The following FBXO43 variants were observed in gnomAD, a reference collection of about 807,000 sequenced individuals.
The protein encoded by FBXO43 is F-box protein 43.
A neutral mutation model predicts 56.7 loss-of-function variants in FBXO43; 22 were observed. That is an observed-to-expected ratio of 0.39 (90% CI 0.28 to 0.55). The LOEUF (loss-of-function observed/expected upper bound fraction) is 0.55. Among genes scored for constraint, FBXO43 ranks in the 20% least tolerant of loss-of-function variants. FBXO43 has a pLI of 0.66. For synonymous variants in FBXO43, 306 were observed against 294.5 expected (o/e 1.04, Z -0.40); for missense variants, 733 against 814.9 (o/e 0.90, Z 1.22).
At chr8:100,140,581 CAG>C in intron 2 of FBXO43, 100 bp downstream of exon 2, 1 of 888,424 alleles carries the variant, frequency 1.1e-6, no homozygotes, top group Admixed American at 2.9e-5. Flanking sequence ...CAACAAAAGA[CAG>C]AGATAATAAA....
At position 100,133,776 on chromosome 8, in the gene FBXO43, A is replaced by C; in HGVS notation, c.*26T>G. 1 of 1,600,620 alleles carries C rather than the reference A, an allele frequency of 6.2e-7. No individual in the cohort carries two copies. The highest frequency in any genetic ancestry group is 8.5e-7 in the Non-Finnish European group (1 of 1,173,936). On this transcript the variant is annotated 3_prime_UTR_variant, in exon 5 of 5. Coordinates refer to ENST00000428847, the MANE Select transcript of FBXO43 (RefSeq NM_001029860.4). The stretch of plus-strand genomic sequence containing the variant: ...TTAAGTCAGATAAATAGAACACTGC[A>C]TGGGGGAGTTCTATATTTAGTCTCT...
intron 3 of FBXO43, among the ~76,000 whole-genome samples, chr8:100,136,302 A>G (rs909478722): frequency 6.6e-6 from 1 of 152,232 alleles, no homozygotes; most frequent in Non-Finnish European, 1.5e-5. Context: ...CTGTCAATCT[A>G]TATCTGGGTG....
intron 3 of FBXO43, 193 bp downstream of exon 3, chr8:100,137,372 T>C: frequency 2.1e-6 from 1 of 478,718 alleles, no homozygotes; most frequent in Non-Finnish European, 3.7e-6. Context: ...CAAGATGTTC[T>C]TGATGCTATG....
At position 100,140,789 on chromosome 8, in the gene FBXO43, T is replaced by C. The variant is rs1814614760; in HGVS notation, c.1465A>G (p.Lys489Glu). 6.2e-7 allele frequency: 1 copy of C among 1,614,090 alleles called. No homozygotes were observed. The highest frequency in any genetic ancestry group is 8.5e-7 in the Non-Finnish European group (1 of 1,180,030). ...ATGTCCAGTTTTTCTATACCCATTTTCTTGCCGATCAGTCCTGCAAGTATA... is the reference window on the plus strand; with the variant it reads ...ATGTCCAGTTTTTCTATACCCATTTCCTTGCCGATCAGTCCTGCAAGTATA... ...QCILAGLIGK[K>E]MGIEKLDILT... Residue 489 changes from lysine (K) to glutamate (E), a missense_variant, in exon 2 of 5, where the codon AAA (lysine) becomes GAA (glutamate). Transcript: ENST00000428847.
At chr8:100,136,854 G>C (rs1380469412) in intron 3 of FBXO43, 3 of 152,192 alleles carry the variant, frequency 2.0e-5, no homozygotes. Flanking sequence ...TGCTCCAAAA[G>C]AGCAGGAACC....
Position 100,141,419 on chromosome 8 carries a change from A to G in FBXO43, c.835T>C (p.Cys279Arg), listed in dbSNP as rs1189407549. ...SSLCINDENA[C>R]PELLGSSVSG... ...ACAGAGGAGCCCAGGAGCTCTGGAC[A>G]TGCATTCTCATCATTAATGCATAAA... Residue 279 changes from cysteine (C) to arginine (R), a missense_variant, in exon 2 of 5, where the codon TGT (cysteine) becomes CGT (arginine). Coordinates refer to ENST00000428847, the MANE Select transcript of FBXO43 (RefSeq NM_001029860.4). The G allele has an allele frequency of 6.2e-7, 1 of 1,613,630 alleles. No homozygotes were observed. The highest frequency in any genetic ancestry group is 8.5e-7 in the Non-Finnish European group (1 of 1,179,998).
rs1420857924 is a variant in FBXO43, at chr8:100,142,106, C to A, written c.148G>T (p.Gly50Trp). The change falls in exon 2 of 5, where the codon GGG becomes TGG. Residue 50 changes from glycine (G) to tryptophan (W), a missense_variant. By Grantham distance (184) the Gly-to-Trp change is radical (BLOSUM62 -2). Coordinates refer to ENST00000428847, the MANE Select transcript of FBXO43 (RefSeq NM_001029860.4). ...TTGACAATTGGAGGAGAGTCCGCCCCATTTCCTGCTTCAGTGCCAGCTTGA... is the reference window on the plus strand; with the variant it reads ...TTGACAATTGGAGGAGAGTCCGCCCAATTTCCTGCTTCAGTGCCAGCTTGA... ...SGQAGTEAGN[G>W]ADSPPIVNSK... 32 of 1,609,178 alleles carry A rather than the reference C, an allele frequency of 2.0e-5. No homozygotes were observed. Among genetic ancestry groups the A allele is most frequent in the Non-Finnish European group, 2.6e-5 (31 of 1,178,682 alleles).
At chr8:100,137,707 A>G (rs372454287) in intron 2 of FBXO43, 40 bp from the exon 3 acceptor site, 72 of 1,452,708 alleles carry the variant, frequency 5.0e-5, no homozygotes, top group Non-Finnish European at 6.4e-5. Context: ...CATACATTCT[A>G]TAGGATTAAC....
intron 1 of FBXO43, among the ~76,000 whole-genome samples, chr8:100,143,781 A>AT (rs1320049159): frequency 1.3e-5 from 2 of 151,288 alleles, no homozygotes; most frequent in African/African-American, 2.5e-5. Flanking sequence ...TAATTTTTTT[A>AT]TTTTTTATGA....
chr8:100,144,731 A>C (rs1271718034), intron 1 of FBXO43, among the ~76,000 whole-genome samples: 1 of 151,890 alleles, frequency 6.6e-6, no homozygotes. Context: ...GGAGAGCGAG[A>C]CCAACCTGGC....
intron 2 of FBXO43, among the ~76,000 whole-genome samples, chr8:100,138,768 C>T (rs2453630): frequency 0.38 from 57,254 of 151,994 alleles, 11,049 homozygotes; most frequent in East Asian, 0.51. Flanking sequence ...CTGGTCACAG[C>T]GGCTCACACC....
chr8:100,134,170 T>G lies in FBXO43; in HGVS notation c.1869A>C (p.Glu623Asp), dbSNP rs1177340783. Residue 623 changes from glutamate (E) to aspartate (D), a missense_variant, in exon 4 of 5, where the codon GAA becomes GAC. Transcript: ENST00000428847. ...SVTHLSSKQE[E>D]YVKVAKTLFT... ...CATAATAAATACTTACCTTAACATA[T>G]TCTTCCTGTTTACTACTTAAGTGAG... The G allele has an allele frequency of 2.5e-6, 4 of 1,613,362 alleles. No homozygotes were observed. The Admixed American group carries it at 5.0e-5, about 20-fold the overall frequency.
At chr8:100,140,317 A>C (rs1205236815) in intron 2 of FBXO43, among the ~76,000 whole-genome samples, 1 of 152,150 alleles carries the variant, frequency 6.6e-6, no homozygotes, top group East Asian at 1.9e-4. Flanking sequence ...AAAACTACAA[A>C]AAATTAGCCG....
intron 3 of FBXO43, among the ~76,000 whole-genome samples, chr8:100,136,034 C>T (rs925297475): frequency 2.0e-5 from 3 of 151,458 alleles, no homozygotes; most frequent in African/African-American, 7.3e-5. Context: ...GTATATGGAG[C>T]CAAATGTTTA....
Position 100,144,249 on chromosome 8 carries a change from C to A in FBXO43, c.85+802G>T, listed in dbSNP as rs187543116. On this transcript the variant is annotated intron_variant, in intron 1 of 4. Transcript: ENST00000428847. Reference sequence around the variant, plus strand: ...AAAATCTATTCTGGCCGGTGGCTCACGCCTGTAATCCCAGCACTTTAGGAG... The same window carrying A: ...AAAATCTATTCTGGCCGGTGGCTCAAGCCTGTAATCCCAGCACTTTAGGAG... Among the ~76,000 whole-genome samples, 350 of 152,214 alleles carry A rather than the reference C, an allele frequency of 2.3e-3. 1 individual carries two copies. The highest frequency in any genetic ancestry group is 3.6e-3 in the Non-Finnish European group (244 of 68,014).
intron 2 of FBXO43, among the ~76,000 whole-genome samples, chr8:100,138,160 C>T (rs1483752082): frequency 6.6e-6 from 1 of 152,138 alleles, no homozygotes; most frequent in African/African-American, 2.4e-5. Flanking sequence ...CACAGAGTTC[C>T]TATTTCATTA....
chr8:100,139,968 T>C (rs1365750815), intron 2 of FBXO43, among the ~76,000 whole-genome samples: 2 of 152,244 alleles, frequency 1.3e-5, no homozygotes, highest in Non-Finnish European at 2.9e-5. Flanking sequence ...TGCATTACAT[T>C]ATTTCTGACC....
At chr8:100,143,041 C>A (rs1814706282) in intron 1 of FBXO43, among the ~76,000 whole-genome samples, 1 of 152,208 alleles carries the variant, frequency 6.6e-6, no homozygotes, top group Non-Finnish European at 1.5e-5. Context: ...GTTACATGAG[C>A]AAGGAATGAC....
chr8:100,146,975 G>A (rs900208388), upstream of FBXO43, among the ~76,000 whole-genome samples: 8 of 152,098 alleles, frequency 5.3e-5, no homozygotes, highest in Non-Finnish European at 1.0e-4. Context: ...AGCCTCCCGA[G>A]TAGCTGGGAT....
Sources: gnomAD v4.1 joint callset for allele counts (sites outside exome capture counted in the v4.1 genomes callset) on GRCh38, gnomAD v4.1.1 for gene constraint, MANE v1.5 for transcripts, NCBI Gene and HGNC (gene_info 2026-07-23, HGNC 2026-07-21) for gene names.